Variants in KIAA1549L observed in about 807,000 individuals in gnomAD.
KIAA1549L encodes the protein UPF0606 protein KIAA1549L.
KIAA1549L carries 88 observed loss-of-function variants against 160.7 expected under a neutral mutation model. The observed-to-expected ratio is 0.55, with a 90% CI of 0.46 to 0.65. The LOEUF (loss-of-function observed/expected upper bound fraction) is 0.65, where lower values mean the gene tolerates loss of function less well. KIAA1549L is among the 30% of genes least tolerant of loss of function. KIAA1549L has a pLI of 0.00. For missense variants in KIAA1549L, 2,258 were observed against 2,437.5 expected (o/e 0.93, Z 1.55); for synonymous variants, 950 against 976.7 (o/e 0.97, Z 0.51).
intron 16 of KIAA1549L, among the ~76,000 whole-genome samples, chr11:33,630,194 C>T (rs12282172): frequency 2.3e-4 from 35 of 150,760 alleles, no homozygotes; most frequent in Middle Eastern, 6.8e-3. Flanking sequence ...GCTGTCAGAC[C>T]GGGACATTTA....
intron 1 of KIAA1549L, among the ~76,000 whole-genome samples, chr11:33,406,965 T>C (rs536714553): frequency 1.3e-5 from 2 of 152,326 alleles, no homozygotes; most frequent in South Asian, 4.1e-4. Flanking sequence ...ACTTATGTTC[T>C]AGTTTCTGTC....
intron 1 of KIAA1549L, among the ~76,000 whole-genome samples, chr11:33,463,786 G>T (rs1384429996): frequency 6.6e-6 from 1 of 152,154 alleles, no homozygotes; most frequent in Non-Finnish European, 1.5e-5. Flanking sequence ...CTATTTAGTG[G>T]CTCAGTAGCT....
intron 1 of KIAA1549L, among the ~76,000 whole-genome samples, chr11:33,523,619 C>T (rs1350653916): frequency 1.3e-5 from 2 of 152,202 alleles, no homozygotes; most frequent in African/African-American, 2.4e-5. Flanking sequence ...GCTAGGATTA[C>T]ACATCATAAC....
chr11:33,647,082 G>T (rs957229436), intron 17 of KIAA1549L, among the ~76,000 whole-genome samples: 5 of 152,158 alleles, frequency 3.3e-5, no homozygotes, highest in Non-Finnish European at 7.3e-5. Context: ...CGTAGGAAAT[G>T]CTATAAAAAT....
intron 1 of KIAA1549L, among the ~76,000 whole-genome samples, chr11:33,444,217 G>A (rs796407090): frequency 1.9e-4 from 29 of 152,112 alleles, no homozygotes; most frequent in African/African-American, 6.5e-4. Context: ...TGTTCTTTTC[G>A]GTAGCTATGG....
At chr11:33,657,553 T>C (rs1014078859) in intron 18 of KIAA1549L, among the ~76,000 whole-genome samples, 3 of 152,010 alleles carry the variant, frequency 2.0e-5, no homozygotes, top group African/African-American at 4.8e-5. Context: ...TCCCAGCACT[T>C]TGGGAGGCTG....
intron 1 of KIAA1549L, among the ~76,000 whole-genome samples, chr11:33,479,061 G>T (rs1852354333): frequency 6.6e-6 from 1 of 150,626 alleles, no homozygotes; most frequent in Non-Finnish European, 1.5e-5. Flanking sequence ...ACATATATGG[G>T]ATATATACAG....
chr11:33,508,989 A>C (rs1853161076), intron 1 of KIAA1549L, among the ~76,000 whole-genome samples: 1 of 152,164 alleles, frequency 6.6e-6, no homozygotes, highest in Admixed American at 6.5e-5. Context: ...TCAACTCTCA[A>C]ATGACAGTTG....
intron 8 of KIAA1549L, 38 bp downstream of exon 8, chr11:33,561,773 T>C (rs1231059372): frequency 1.4e-6 from 2 of 1,397,452 alleles, no homozygotes; most frequent in Non-Finnish European, 1.0e-6. Flanking sequence ...CTTCATGCTG[T>C]CAGATTGATT....
intron 1 of KIAA1549L, among the ~76,000 whole-genome samples, chr11:33,527,079 T>C (rs185993458): frequency 6.6e-6 from 1 of 152,258 alleles, no homozygotes; most frequent in East Asian, 1.9e-4. Flanking sequence ...AGACAAGGCT[T>C]TTGAATTAAC....
At chr11:33,563,240 T>C (rs560459561) in intron 8 of KIAA1549L, among the ~76,000 whole-genome samples, 2 of 151,584 alleles carry the variant, frequency 1.3e-5, no homozygotes, top group African/African-American at 4.8e-5. Context: ...TCCCAGCTAT[T>C]TGGGAGGCTG....
At chr11:33,614,574 A>G (rs1404979570) in intron 15 of KIAA1549L, among the ~76,000 whole-genome samples, 1 of 13,788 alleles carries the variant, frequency 7.3e-5, no homozygotes, top group Non-Finnish European at 1.0e-4. Flanking sequence ...ATATATATAT[A>G]TATATATATA....
At chr11:33,479,760 C>G (rs1852369713) in intron 1 of KIAA1549L, among the ~76,000 whole-genome samples, 1 of 152,088 alleles carries the variant, frequency 6.6e-6, no homozygotes, top group East Asian at 1.9e-4. Flanking sequence ...GGAGGGAAAA[C>G]AGGAGCCAAT....
At chr11:33,654,336 A>G (rs1484867290) in intron 17 of KIAA1549L, among the ~76,000 whole-genome samples, 2 of 152,170 alleles carry the variant, frequency 1.3e-5, no homozygotes, top group African/African-American at 2.4e-5. Flanking sequence ...TGGAAGTTCC[A>G]AACTCTAAAG....
intron 1 of KIAA1549L, among the ~76,000 whole-genome samples, chr11:33,495,278 C>T (rs772539189): frequency 2.0e-5 from 3 of 146,812 alleles, no homozygotes; most frequent in Non-Finnish European, 4.5e-5. Flanking sequence ...CCTCCCCCAT[C>T]CCCCCACCCC....
intron 16 of KIAA1549L, among the ~76,000 whole-genome samples, chr11:33,623,246 G>A (rs1370173007): frequency 1.3e-5 from 2 of 152,170 alleles, no homozygotes; most frequent in African/African-American, 4.8e-5. Flanking sequence ...CAACCAGCTT[G>A]TTGCTCCATT....
Position 33,379,212 on chromosome 11 carries a change from G to A in KIAA1549L, c.238+2323G>A, listed in dbSNP as rs376036004. Among the ~76,000 whole-genome samples the A allele has an allele frequency of 3.3e-5, 5 of 152,248 alleles. No individual in the cohort carries two copies. The East Asian group carries it at 5.8e-4, about 18-fold the overall frequency. ...AATGGGCAAACATAGATTTGTTTCT[G>A]GAAAATTCTGTAGCAATTGTTCAGC... On this transcript the variant is annotated intron_variant, in intron 1 of 20. Coordinates refer to ENST00000658780, the MANE Select transcript of KIAA1549L (RefSeq NM_012194.3).
chr11:33,544,587 C>G (rs952760848), intron 2 of KIAA1549L, among the ~76,000 whole-genome samples, 180 bp from the exon 3 acceptor site: 2 of 152,214 alleles, frequency 1.3e-5, no homozygotes, highest in Non-Finnish European at 2.9e-5. Context: ...AAGTGGCATT[C>G]TTGTTATGGT....
chr11:33,656,182 A>G (rs1369551446), intron 18 of KIAA1549L, 73 bp downstream of exon 18: 4 of 1,143,992 alleles, frequency 3.5e-6, no homozygotes, highest in Non-Finnish European at 3.9e-6. Context: ...TGACCTGACA[A>G]CAGCACCGGC....
Sources: gnomAD v4.1 joint callset for allele counts (sites outside exome capture counted in the v4.1 genomes callset) on GRCh38, gnomAD v4.1.1 for gene constraint, MANE v1.5 for transcripts, NCBI Gene and HGNC (gene_info 2026-07-23, HGNC 2026-07-21) for gene names.